The following CMIP variants were observed in gnomAD, a reference collection of about 807,000 sequenced individuals.
The protein encoded by CMIP is C-Maf-inducing protein.
In CMIP, 13 loss-of-function variants were observed where a neutral mutation model predicts 97.3. The observed-to-expected ratio is 0.13, with a 90% confidence interval of 0.09 to 0.21. CMIP has a LOEUF of 0.21. Ranked by LOEUF, CMIP falls within the 10% of genes least tolerant of loss-of-function variation. The pLI, the probability that CMIP is intolerant of heterozygous loss-of-function variation, is 1.00. For synonymous variants in CMIP, 538 were observed against 436.3 expected, an observed-to-expected ratio of 1.23 and a Z score of -2.91; for missense variants, 847 against 1,024.9, an observed-to-expected ratio of 0.83 and a Z score of 2.37.
At chr16:81,521,087 T>C (rs754240837) in intron 1 of CMIP, among the ~76,000 whole-genome samples, 1 of 152,264 alleles carries the variant, frequency 6.6e-6, no homozygotes, top group Non-Finnish European at 1.5e-5. Flanking sequence ...AAGATTTAAT[T>C]TTGGGATAAA....
At chr16:81,708,093 G>C (rs981443651) in intron 20 of CMIP, among the ~76,000 whole-genome samples, 1 of 152,250 alleles carries the variant, frequency 6.6e-6, no homozygotes, top group African/African-American at 2.4e-5. Context: ...CCCTTCCGGG[G>C]GATAGTCCCT....
At chr16:81,565,843 G>T (rs181672885) in intron 1 of CMIP, among the ~76,000 whole-genome samples, 1 of 152,200 alleles carries the variant, frequency 6.6e-6, no homozygotes, top group Non-Finnish European at 1.5e-5. Context: ...AGGATGTGCC[G>T]ACTCTCACCC....
At chr16:81,554,726 T>C (rs2090727343) in intron 1 of CMIP, among the ~76,000 whole-genome samples, 1 of 152,350 alleles carries the variant, frequency 6.6e-6, no homozygotes, top group Non-Finnish European at 1.5e-5. Flanking sequence ...GGCAACTTTA[T>C]TCTTCTCTGG....
At chr16:81,588,395 A>G (rs1347965660) in intron 1 of CMIP, among the ~76,000 whole-genome samples, 1 of 152,184 alleles carries the variant, frequency 6.6e-6, no homozygotes, top group Admixed American at 6.5e-5. Context: ...CTCTGAAGGC[A>G]GAAGTTTTCT....
At chr16:81,514,302 C>A (rs1283595981) in intron 1 of CMIP, among the ~76,000 whole-genome samples, 1 of 152,084 alleles carries the variant, frequency 6.6e-6, no homozygotes, top group Non-Finnish European at 1.5e-5. Flanking sequence ...TTTGTGGGGG[C>A]GTGTGGCCAC....
chr16:81,495,330 A>C (rs2089469269), intron 1 of CMIP: 2 of 1,464,940 alleles, frequency 1.4e-6, no homozygotes. Context: ...AGTGATAAGC[A>C]GGAGCCAGGC....
At chr16:81,495,368 G>A (rs1398097263) in intron 1 of CMIP, 3 of 1,510,634 alleles carry the variant, frequency 2.0e-6, no homozygotes, top group East Asian at 2.5e-5. Context: ...GATGGGCTGG[G>A]CGTGCATGGC....
chr16:81,499,969 C>T (rs1244547710), intron 1 of CMIP, among the ~76,000 whole-genome samples: 1 of 152,254 alleles, frequency 6.6e-6, no homozygotes, highest in Admixed American at 6.5e-5. Flanking sequence ...CCTGGCTCCT[C>T]TGCTTTGCTT....
At chr16:81,592,776 TG>T (rs796767184) in intron 1 of CMIP, among the ~76,000 whole-genome samples, 3 of 152,292 alleles carry the variant, frequency 2.0e-5, no homozygotes, top group African/African-American at 7.2e-5. Flanking sequence ...CCAGGATCCT[TG>T]GGAAGTATCC....
Position 81,596,035 on chromosome 16 carries a change from CT to C in CMIP, c.301-11523del, listed in dbSNP as rs895614087. On this transcript the variant is annotated intron_variant, in intron 1 of 20. Transcript: ENST00000537098. ...CACTTTCTCCACCTCTCCCTCAACA[CT>C]TTTTTTTTGTCTACGTTCTTTTATT... is the stretch of plus-strand genomic sequence containing the variant. Among the ~76,000 whole-genome samples, 303 of 151,698 alleles carry C rather than the reference CT, an allele frequency of 2.0e-3. 1 individual carries two copies. Among genetic ancestry groups the C allele is most frequent in the African/African-American group, 6.7e-3 (276 of 41,368 alleles).
chr16:81,549,481 G>A (rs974805242), intron 1 of CMIP, among the ~76,000 whole-genome samples: 18 of 152,222 alleles, frequency 1.2e-4, no homozygotes, highest in African/African-American at 4.3e-4. Flanking sequence ...CTGGAGTGCT[G>A]TACGTGCCCC....
At chr16:81,470,745 A>C (rs957807552) in intron 1 of CMIP, among the ~76,000 whole-genome samples, 1 of 152,258 alleles carries the variant, frequency 6.6e-6, no homozygotes, top group Non-Finnish European at 1.5e-5. Flanking sequence ...AGCATGAGCC[A>C]CTGTGCCCAG....
chr16:81,545,023 C>T (rs1385156736), intron 1 of CMIP, among the ~76,000 whole-genome samples: 1 of 152,146 alleles, frequency 6.6e-6, no homozygotes, highest in African/African-American at 2.4e-5. Flanking sequence ...ACCCTGTGCT[C>T]CAGCCACAAA....
chr16:81,678,642 C>CA lies in CMIP; in HGVS notation c.1388+14_1388+15insA. The CA allele has an allele frequency of 1.5e-6, 2 of 1,322,286 alleles. No individual in the cohort carries two copies. Among genetic ancestry groups the CA allele is most frequent in the Middle Eastern group, 2.1e-4 (1 of 4,814 alleles). The allele number at this position is 1,322,286 out of a possible 1,614,324, so 81.9% of individuals were successfully genotyped here. On this transcript the variant is annotated intron_variant, in intron 10 of 20. Coordinates refer to ENST00000537098, the MANE Select transcript of CMIP (RefSeq NM_198390.3). ...CCTCAAGCTGCTGTGAGTGCCCCCC[C>CA]CGCGTGCCCGCCCCCGGGGCCGGTG...
chr16:81,491,541 A>G (rs1449169435), intron 1 of CMIP, among the ~76,000 whole-genome samples: 2 of 152,194 alleles, frequency 1.3e-5, no homozygotes, highest in African/African-American at 4.8e-5. Flanking sequence ...CATGGAAGAT[A>G]ATTTAAAAGA....
rs934135837 is a variant in CMIP, at chr16:81,636,884, A to G, written c.478-15319A>G. Among the ~76,000 whole-genome samples, 30 of 135,262 alleles carry G rather than the reference A, an allele frequency of 2.2e-4. No individual in the cohort carries two copies. In the South Asian group the frequency reaches 2.4e-3, roughly 11 times the overall value. 88.7% of individuals were successfully genotyped at this position (135,262 alleles called of 152,430 possible). A position where few individuals can be genotyped will look rare whatever the true frequency, so the allele number is the denominator to read the frequency against. ...TGAAGCCCCGTGAATTAGATCATAT[A>G]TATGTGTATGTCAACATAGATTATG... On this transcript the variant is annotated intron_variant, in intron 3 of 20. Transcript: ENST00000537098.
chr16:81,708,652 A>G (rs947991494), intron 20 of CMIP, among the ~76,000 whole-genome samples: 1 of 152,230 alleles, frequency 6.6e-6, no homozygotes, highest in East Asian at 1.9e-4. Flanking sequence ...GCTCAGTGCC[A>G]GGCAGGCCAC....
At chr16:81,540,812 C>G (rs1370651773) in intron 1 of CMIP, among the ~76,000 whole-genome samples, 2 of 152,144 alleles carry the variant, frequency 1.3e-5, no homozygotes, top group African/African-American at 4.8e-5. Context: ...TCCCGAGTAG[C>G]TGGGACTTCA....
intron 1 of CMIP, among the ~76,000 whole-genome samples, chr16:81,533,152 A>G (rs926990438): frequency 5.3e-5 from 8 of 152,210 alleles, no homozygotes; most frequent in East Asian, 3.9e-4. Context: ...TCCTGAGCAT[A>G]TGTTATCATC....
Sources: allele counts gnomAD v4.1 joint callset (sites outside exome capture counted in the v4.1 genomes callset), GRCh38; gene constraint gnomAD v4.1.1; transcripts MANE v1.5; gene names NCBI Gene and HGNC (gene_info 2026-07-23, HGNC 2026-07-21).